Variants in RORA observed in about 807,000 individuals in gnomAD.
The protein encoded by RORA is nuclear receptor ROR-alpha.
Under a neutral mutation model 69.5 loss-of-function variants are expected in RORA, and 7 were observed. The observed-to-expected ratio is 0.10, with a 90% CI of 0.06 to 0.19. RORA has a LOEUF of 0.19. Ranked by LOEUF, RORA falls within the 10% of genes least tolerant of loss-of-function variation. RORA has a pLI of 1.00. For missense variants in RORA, 457 were observed against 663.0 expected (o/e 0.69, Z 3.41); for synonymous variants, 261 against 240.8 (o/e 1.08, Z -0.78).
In RORA at chr15:60,714,058, C is replaced by CT. The variant is rs745813094; in HGVS notation, c.167-35373dup. Among the ~76,000 whole-genome samples the CT allele has an allele frequency of 3.9e-3, 558 of 144,230 alleles. 4 individuals are homozygous for CT. Among genetic ancestry groups the CT allele is most frequent in the Middle Eastern group, 0.011 (3 of 282 alleles). 94.6% of individuals were successfully genotyped at this position (144,230 alleles called of 152,430 possible). A position where few individuals can be genotyped will look rare whatever the true frequency, so the allele number is the denominator to read the frequency against. On this transcript the variant is annotated intron_variant, in intron 1 of 10. Coordinates refer to ENST00000335670, the MANE Select transcript of RORA (RefSeq NM_134261.3). ...CTTCATTATCTCTCTCTCTCTCTCTCTTTTTTTTTTTTCGAGACAGAGTCT... is the reference window on the plus strand; with the variant it reads ...CTTCATTATCTCTCTCTCTCTCTCTCTTTTTTTTTTTTTCGAGACAGAGTCT...
intron 1 of RORA, among the ~76,000 whole-genome samples, chr15:60,754,851 A>C (rs1871857): frequency 0.066 from 10,017 of 152,116 alleles, 441 homozygotes; most frequent in Admixed American, 0.12. Flanking sequence ...TGAAGCTAGC[A>C]CTTCCCTTCG....
intron 1 of RORA, among the ~76,000 whole-genome samples, chr15:60,738,155 G>A (rs1443688082): frequency 6.6e-6 from 1 of 152,160 alleles, no homozygotes; most frequent in East Asian, 1.9e-4. Flanking sequence ...CGAGACCGTA[G>A]CAGCTTCTGT....
chr15:61,021,287 A>G (rs1895509316), intron 1 of RORA, among the ~76,000 whole-genome samples: 1 of 152,238 alleles, frequency 6.6e-6, no homozygotes, highest in Admixed American at 6.5e-5. Flanking sequence ...AGAAAGGCAG[A>G]GGCTCCGTGA....
chr15:60,915,697 G>T (rs1891853814), intron 1 of RORA, among the ~76,000 whole-genome samples: 1 of 151,996 alleles, frequency 6.6e-6, no homozygotes, highest in Non-Finnish European at 1.5e-5. Flanking sequence ...TCCATTATTG[G>T]GCAGTGAAAT....
intron 1 of RORA, among the ~76,000 whole-genome samples, chr15:61,094,180 T>G (rs2078754876): frequency 6.6e-6 from 1 of 152,168 alleles, no homozygotes; most frequent in Admixed American, 6.5e-5. Context: ...TAACTACTCC[T>G]TTATGTGAGT....
At chr15:61,080,207 T>C (rs140542496) in intron 1 of RORA, among the ~76,000 whole-genome samples, 4 of 152,296 alleles carry the variant, frequency 2.6e-5, no homozygotes, top group African/African-American at 9.6e-5. Flanking sequence ...CCAAACCCCA[T>C]GCAAATTTCA....
chr15:60,809,143 G>A (rs1169931623), intron 1 of RORA, among the ~76,000 whole-genome samples: 4 of 151,600 alleles, frequency 2.6e-5, no homozygotes, highest in Non-Finnish European at 4.4e-5. Flanking sequence ...GTAACCAAAC[G>A]CCACTTGTTC....
intron 1 of RORA, among the ~76,000 whole-genome samples, chr15:61,125,547 G>C (rs887916046): frequency 6.6e-6 from 1 of 152,162 alleles, no homozygotes; most frequent in Non-Finnish European, 1.5e-5. Flanking sequence ...AGATCACAAT[G>C]AATATGTTAT....
At chr15:61,200,760 G>GA (rs1306651349) in intron 1 of RORA, among the ~76,000 whole-genome samples, 10 of 152,126 alleles carry the variant, frequency 6.6e-5, no homozygotes, top group Admixed American at 2.6e-4. Flanking sequence ...TTAATTGAGT[G>GA]AAAAAAGCTG....
At chr15:60,725,191 T>G (rs2613620) in intron 1 of RORA, among the ~76,000 whole-genome samples, 6,696 of 152,248 alleles carry the variant, frequency 0.044, 498 homozygotes, top group African/African-American at 0.15. Flanking sequence ...AGTTTAGGCA[T>G]TTCAATGTCT....
intron 1 of RORA, among the ~76,000 whole-genome samples, chr15:60,742,977 G>A (rs1272633619): frequency 6.8e-6 from 1 of 147,054 alleles, no homozygotes; most frequent in African/African-American, 2.5e-5. Context: ...ACAGAAACAA[G>A]TTATATGATA....
At chr15:60,778,960 G>C (rs73428316) in intron 1 of RORA, among the ~76,000 whole-genome samples, 4,374 of 152,176 alleles carry the variant, frequency 0.029, 182 homozygotes, top group African/African-American at 0.086. Context: ...AATGATATAG[G>C]CTTAATAATA....
rs1232994034 is a variant in RORA at position 60,516,069 on chromosome 15, A to T, written c.283-1312T>A. On this transcript the variant is annotated intron_variant, in intron 3 of 10. Transcript: ENST00000335670. The stretch of plus-strand genomic sequence containing the variant: ...TATTTATATATATTTATATATATTT[A>T]TATATATTTATTTATATATATTTAT... Among the ~76,000 whole-genome samples, 36 of 61,066 alleles carry T rather than the reference A, an allele frequency of 5.9e-4. 1 individual carries two copies. The highest frequency in any genetic ancestry group is 3.0e-3 in the African/African-American group (35 of 11,770). 40.1% of individuals were successfully genotyped at this position (61,066 alleles called of 152,430 possible). A position where few individuals can be genotyped will look rare whatever the true frequency, so the allele number is the denominator to read the frequency against.
chr15:60,791,164 G>C (rs1273367263), intron 1 of RORA, among the ~76,000 whole-genome samples: 1 of 152,114 alleles, frequency 6.6e-6, no homozygotes, highest in African/African-American at 2.4e-5. Context: ...CTGAGTTCAG[G>C]CCTGATTCAG....
At chr15:60,530,059 C>T (rs117032687) in intron 3 of RORA, 1,561 of 152,462 alleles carry the variant, frequency 0.01, 12 homozygotes, top group Non-Finnish European at 0.017. Context: ...CAGGCAAGCA[C>T]TGCAGTCTAT....
intron 6 of RORA, 55 bp downstream of exon 6, chr15:60,505,453 A>G (rs2065468202): frequency 6.3e-7 from 1 of 1,591,868 alleles, no homozygotes; most frequent in Admixed American, 1.7e-5. Flanking sequence ...TTCCTATACC[A>G]ACACCCTTCC....
chr15:60,840,022 A>C (rs1285927573), intron 1 of RORA, among the ~76,000 whole-genome samples: 2 of 152,140 alleles, frequency 1.3e-5, no homozygotes, highest in African/African-American at 4.8e-5. Flanking sequence ...CAGGGGCTGG[A>C]GGGAGAGTCT....
intron 2 of RORA, among the ~76,000 whole-genome samples, chr15:60,657,426 A>G (rs537764430): frequency 7.9e-5 from 12 of 152,238 alleles, no homozygotes; most frequent in African/African-American, 2.9e-4. Flanking sequence ...CCATATTTCT[A>G]TGAACAAAGC....
At chr15:61,136,450 A>G (rs887861673) in intron 1 of RORA, among the ~76,000 whole-genome samples, 7 of 152,218 alleles carry the variant, frequency 4.6e-5, no homozygotes, top group African/African-American at 1.4e-4. Context: ...AGTTATTATC[A>G]ACAACTCAAG....
Sources: gnomAD v4.1 joint callset for allele counts (sites outside exome capture counted in the v4.1 genomes callset) on GRCh38, gnomAD v4.1.1 for gene constraint, MANE v1.5 for transcripts, NCBI Gene and HGNC (gene_info 2026-07-23, HGNC 2026-07-21) for gene names.